The following ZNF791 variants were observed in gnomAD, a reference collection of about 807,000 sequenced individuals.
ZNF791 encodes zinc finger protein 791.
In ZNF791, 4 loss-of-function variants were observed where a neutral mutation model predicts 11.5. The observed-to-expected ratio is 0.35, with a 90% CI of 0.17 to 0.80. The LOEUF (loss-of-function observed/expected upper bound fraction) is 0.80, where lower values mean the gene tolerates loss of function less well. Ranked by LOEUF, ZNF791 falls within the 30% of genes least tolerant of loss-of-function variation. The pLI is 0.53. For synonymous variants in ZNF791, 212 were observed against 228.1 expected (o/e 0.93, Z 0.64); for missense variants, 559 against 699.4 (o/e 0.80, Z 2.26).
rs1053795441 is a variant in ZNF791 at position 12,633,207 on chromosome 19, A to G, written c.*3947A>G. On this transcript the variant is annotated 3_prime_UTR_variant, in exon 4 of 4. Transcript: ENST00000343325. ...TATGTGAAGTTTATCATATATTCTT[A>G]TGCGAATTATTATTTTCGCCTTTTT... 6.6e-6 allele frequency: 1 copy of G among 152,164 alleles called. No homozygotes were observed. Among genetic ancestry groups the G allele is most frequent in the African/African-American group, 2.4e-5 (1 of 41,452 alleles). 9.4% of individuals were successfully genotyped at this position (152,164 alleles called of 1,614,324 possible).
At chr19:12,623,870 T>TTTG (rs1555703477) in intron 2 of ZNF791, 44 bp downstream of exon 2, 38 of 715,240 alleles carry the variant, frequency 5.3e-5, no homozygotes, top group African/African-American at 1.7e-4. Context: ...TTTTTTTTTT[T>TTTG]GGGGGGGGAC....
At chr19:12,623,325 G>C (rs528929517) in intron 1 of ZNF791, 23 of 190,456 alleles carry the variant, frequency 1.2e-4, no homozygotes, top group Middle Eastern at 4.5e-3. Context: ...AGGATTGCTT[G>C]AGCCGGGAGG....
Position 12,630,335 on chromosome 19 carries a change from A to G in ZNF791, c.*1075A>G, listed in dbSNP as rs1333472785. 1 of 152,078 alleles carries G rather than the reference A, an allele frequency of 6.6e-6. No homozygotes were observed. Among genetic ancestry groups the G allele is most frequent in the Non-Finnish European group, 1.5e-5 (1 of 68,044 alleles). The allele number at this position is 152,078 out of a possible 1,614,324, so 9.4% of individuals were successfully genotyped here. A position where few individuals can be genotyped will look rare whatever the true frequency, so the allele number is the denominator to read the frequency against. On this transcript the variant is annotated 3_prime_UTR_variant, in exon 4 of 4. Transcript: ENST00000343325. ...TAGCTGGGCGTTCTGGTGTGCCTGT[A>G]GTCCCAGCTACTTGGGAGGCCAAAG... is the stretch of plus-strand genomic sequence containing the variant.
rs1020591798 is a variant in ZNF791 at position 12,627,993 on chromosome 19, C to G, written c.464C>G (p.Thr155Ser). 1 of 1,613,904 alleles carries G rather than the reference C, an allele frequency of 6.2e-7. No homozygotes were observed. Among genetic ancestry groups the G allele is most frequent in the Non-Finnish European group, 8.5e-7 (1 of 1,179,920 alleles). ...TTTCAAAGACATGAAAGGAGTCACACTGGAGAAAAACCCTATAAATGTAAA... is the reference window on the plus strand; with the variant it reads ...TTTCAAAGACATGAAAGGAGTCACAGTGGAGAAAAACCCTATAAATGTAAA... Reference protein sequence around the residue: ...KSFQRHERSHTGEKPYKCKQC... With the variant: ...KSFQRHERSHSGEKPYKCKQC... The change falls in exon 4 of 4, where the codon ACT becomes AGT. Residue 155 changes from threonine to serine, a missense_variant. Thr to Ser is a moderately conservative substitution (Grantham distance 58). Coordinates refer to ENST00000343325, the MANE Select transcript of ZNF791 (RefSeq NM_153358.3).
At position 12,628,788 on chromosome 19, in the gene ZNF791, C is replaced by T. The variant is rs1420083630; in HGVS notation, c.1259C>T (p.Thr420Ile). The change falls in exon 4 of 4, where the codon ACC becomes ATC. Residue 420 changes from threonine (T) to isoleucine (I), a missense_variant. Physicochemically the swap from Thr to Ile is moderately conservative, Grantham distance 89. Coordinates refer to ENST00000343325, the MANE Select transcript of ZNF791 (RefSeq NM_153358.3). The stretch of plus-strand genomic sequence containing the variant: ...TATGAGTGTAAGGAATGTGCAAAAA[C>T]CTTCATTTCTCTTGAGAACTTTCGA... Reference protein sequence around the residue: ...KPYECKECAKTFISLENFRRH... With the variant: ...KPYECKECAKIFISLENFRRH... The T allele has an allele frequency of 6.2e-7, 1 of 1,613,948 alleles. No homozygotes were observed. Among genetic ancestry groups the T allele is most frequent in the East Asian group, 2.2e-5 (1 of 44,886 alleles).
Position 12,623,762 on chromosome 19 carries a change from T to C in ZNF791, c.66T>C (p.Ala22=), listed in dbSNP as rs372208322. 1.1e-5 allele frequency: 18 copies of C among 1,612,756 alleles called. No individual in the cohort carries two copies. Among genetic ancestry groups the C allele is most frequent in the Non-Finnish European group, 1.4e-5 (16 of 1,179,356 alleles). The change falls in exon 2 of 4, where the codon GCT becomes GCC. Residue 22 remains alanine (A), a synonymous_variant. Coordinates refer to ENST00000343325, the MANE Select transcript of ZNF791 (RefSeq NM_153358.3). ...SFSQEEWALL[A]PSQKKLYRDV... is the part of the protein sequence containing the mutation. ...GCCAGGAGGAGTGGGCTCTGCTGGC[T>C]CCTTCACAGAAGAAACTCTACAGAG...
intron 1 of ZNF791, among the ~76,000 whole-genome samples, chr19:12,618,527 G>T (rs912249952): frequency 6.6e-6 from 1 of 151,666 alleles, no homozygotes; most frequent in Non-Finnish European, 1.5e-5. Flanking sequence ...AATAAAGGCC[G>T]AGTGTGGTGG....
At position 12,627,706 on chromosome 19, in the gene ZNF791, T is replaced by G. The variant is rs1338257284; in HGVS notation, c.192-15T>G. 6.3e-7 allele frequency: 1 copy of G among 1,592,062 alleles called. No homozygotes were observed. Among genetic ancestry groups the G allele is most frequent in the South Asian group, 1.1e-5 (1 of 89,322 alleles). ...AATACACAACCAGTATTACCGTGCTTCTAATTTTTTACAGAAGCCATACGG... is the reference window on the plus strand; with the variant it reads ...AATACACAACCAGTATTACCGTGCTGCTAATTTTTTACAGAAGCCATACGG... On this transcript the variant is annotated splice_polypyrimidine_tract_variant and intron_variant, in intron 3 of 3. Coordinates refer to ENST00000343325, the MANE Select transcript of ZNF791 (RefSeq NM_153358.3).
At chr19:12,616,460 A>G (rs1019777490) in intron 1 of ZNF791, among the ~76,000 whole-genome samples, 5 of 152,186 alleles carry the variant, frequency 3.3e-5, no homozygotes, top group Non-Finnish European at 5.9e-5. Context: ...ATGGTAGCTC[A>G]TGTGGGGCCA....
chr19:12,627,207 C>G (rs62108381), intron 3 of ZNF791, among the ~76,000 whole-genome samples: 1 of 151,770 alleles, frequency 6.6e-6, no homozygotes, highest in East Asian at 1.9e-4. Context: ...AAAAAAAACC[C>G]ATACCTCAAT....
intron 3 of ZNF791, among the ~76,000 whole-genome samples, chr19:12,626,144 G>A (rs1041076605): frequency 6.6e-6 from 1 of 152,210 alleles, no homozygotes; most frequent in Non-Finnish European, 1.5e-5. Flanking sequence ...CGCCTCCCAG[G>A]TAGCTGGGAT....
At chr19:12,624,471 C>T (rs954730775) in intron 2 of ZNF791, among the ~76,000 whole-genome samples, 179 bp from the exon 3 acceptor site, 2 of 152,002 alleles carry the variant, frequency 1.3e-5, no homozygotes, top group Admixed American at 6.6e-5. Context: ...TTTTTCATAT[C>T]GTCAGTTAGA....
chr19:12,614,552 A>C (rs945763829), intron 1 of ZNF791, among the ~76,000 whole-genome samples: 12 of 149,856 alleles, frequency 8.0e-5, no homozygotes, highest in Admixed American at 4.0e-4. Flanking sequence ...TACGTTTTTC[A>C]AGCTGGGAGA....
intron 1 of ZNF791, among the ~76,000 whole-genome samples, chr19:12,618,859 A>T (rs940715931): frequency 2.6e-4 from 36 of 139,520 alleles, no homozygotes; most frequent in African/African-American, 8.5e-4. Flanking sequence ...GTATTTATTT[A>T]TTTTTTTGAG....
rs745706168 is a variant in ZNF791 at position 12,628,369 on chromosome 19, A to G, written c.840A>G (p.Ala280=). 6.8e-6 allele frequency: 11 copies of G among 1,608,794 alleles called. No individual in the cohort carries two copies. The East Asian group carries it at 2.2e-4, about 33-fold the overall frequency. The change falls in exon 4 of 4, where the codon GCA becomes GCG. Residue 280 remains alanine, a synonymous_variant. Coordinates refer to ENST00000343325, the MANE Select transcript of ZNF791 (RefSeq NM_153358.3). Reference sequence around the variant, plus strand: ...ATAAATGCAAAGAATGTGGAAAGGCATTCATTTTTCCCAGTTTTTTACGAG... The same window carrying G: ...ATAAATGCAAAGAATGTGGAAAGGCGTTCATTTTTCCCAGTTTTTTACGAG... ...RPYKCKECGK[A]FIFPSFLRVH...
In ZNF791 at chr19:12,626,766, G is replaced by A. The variant is rs548941656; in HGVS notation, c.192-955G>A. On this transcript the variant is annotated intron_variant, in intron 3 of 3. Transcript: ENST00000343325. ...ACTACAGGCGCCCACCACCACGCCC[G>A]GCTAATTTTTTTGTATTTTTAGTAG... Among the ~76,000 whole-genome samples, 178 of 150,126 alleles carry A rather than the reference G, an allele frequency of 1.2e-3. 1 individual carries two copies. The highest frequency in any genetic ancestry group is 3.5e-3 in the Middle Eastern group (1 of 286).
intron 1 of ZNF791, among the ~76,000 whole-genome samples, chr19:12,615,484 T>C (rs1295437476): frequency 6.6e-6 from 1 of 152,080 alleles, no homozygotes; most frequent in African/African-American, 2.4e-5. Flanking sequence ...CAATATTTCA[T>C]CATAAGATTG....
At position 12,633,384 on chromosome 19, in the gene ZNF791, T is replaced by C. The variant is rs919536963; in HGVS notation, c.*4124T>C. On this transcript the variant is annotated 3_prime_UTR_variant, in exon 4 of 4. Coordinates refer to ENST00000343325, the MANE Select transcript of ZNF791 (RefSeq NM_153358.3). Reference sequence around the variant, plus strand: ...AATCTGTTCCCTTTATAGATCCATGTTGAAATTCACTTATAGCCTCACTTG... The same window carrying C: ...AATCTGTTCCCTTTATAGATCCATGCTGAAATTCACTTATAGCCTCACTTG... The C allele has an allele frequency of 1.3e-5, 2 of 152,128 alleles. No homozygotes were observed. The highest frequency in any genetic ancestry group is 4.8e-5 in the African/African-American group (2 of 41,432). 9.4% of individuals were successfully genotyped at this position (152,128 alleles called of 1,614,324 possible). A position where few individuals can be genotyped will look rare whatever the true frequency, so the allele number is the denominator to read the frequency against.
intron 1 of ZNF791, among the ~76,000 whole-genome samples, chr19:12,617,885 T>A (rs2023269836): frequency 7.0e-6 from 1 of 143,448 alleles, no homozygotes; most frequent in African/African-American, 2.6e-5. Context: ...GAACTACAGG[T>A]GCGTGCCACA....
Sources: gnomAD v4.1 joint callset for allele counts (sites outside exome capture counted in the v4.1 genomes callset) on GRCh38, gnomAD v4.1.1 for gene constraint, MANE v1.5 for transcripts, NCBI Gene and HGNC (gene_info 2026-07-23, HGNC 2026-07-21) for gene names.